ZNF668: variants seen among roughly 807,000 people sequenced by gnomAD.
The protein encoded by ZNF668 is zinc finger protein 668.
A neutral mutation model predicts 40.3 loss-of-function variants in ZNF668; 10 were observed. That is an observed-to-expected ratio of 0.25 (90% CI 0.15 to 0.42). The LOEUF (loss-of-function observed/expected upper bound fraction) is 0.42, where lower values mean the gene tolerates loss of function less well. Ranked by LOEUF, ZNF668 falls within the 10% of genes least tolerant of loss-of-function variation. ZNF668 has a pLI of 1.00. For synonymous variants in ZNF668, 428 were observed against 384.6 expected (o/e 1.11, Z -1.32); for missense variants, 749 against 904.6 (o/e 0.83, Z 2.21).
rs958083711 is a variant in ZNF668 at position 31,062,078 on chromosome 16, G to A, written c.850C>T (p.Arg284Cys). 3 of 1,613,080 alleles carry A rather than the reference G, an allele frequency of 1.9e-6. No homozygotes were observed. Among genetic ancestry groups the A allele is most frequent in the African/African-American group, 1.3e-5 (1 of 74,786 alleles). Residue 284 changes from arginine to cysteine, a missense_variant, in exon 3 of 3, where the codon CGC becomes TGC. Physicochemically the swap from Arg to Cys is radical, Grantham distance 180 (BLOSUM62 -3). Around this residue, in one of 4 missense-constraint regions of ZNF668, gnomAD observed 129 missense variants for 231.2 expected, o/e 0.56. Coordinates refer to ENST00000300849, the MANE Select transcript of ZNF668 (RefSeq NM_024706.5). ...GGGTCGGAGAACATGCGGCCGCAGCGCGGGCACAGGAAGGGCTTCTCCCCC... is the reference window on the plus strand; with the variant it reads ...GGGTCGGAGAACATGCGGCCGCAGCACGGGCACAGGAAGGGCTTCTCCCCC... ...HSGEKPFLCP[R>C]CGRMFSDPSS...
intron 1 of ZNF668, among the ~76,000 whole-genome samples, chr16:31,068,239 A>AAAAAAAAAAAAAAATATAT (rs1473353128): frequency 4.8e-5 from 4 of 82,988 alleles, no homozygotes; most frequent in African/African-American, 2.0e-4. Flanking sequence ...AAAAAAAAAA[A>AAAAAAAAAAAAAAATATAT]ATATATATAT....
rs1472661496 is a variant in ZNF668 at position 31,064,200 on chromosome 16, G to A, written c.260C>T (p.Pro87Leu). The change falls in exon 2 of 3, where the codon CCG (proline) becomes CTG (leucine). Residue 87 changes from proline to leucine, a missense_variant. Pro to Leu is a moderately conservative substitution (Grantham distance 98). Around this residue, in one of 4 missense-constraint regions of ZNF668, gnomAD observed 159 missense variants for 139.8 expected, o/e 1.14. Coordinates refer to ENST00000300849, the MANE Select transcript of ZNF668 (RefSeq NM_024706.5). ...CGTCTTGTAGGCCTTGGGGCATAGC[G>A]GACACGCATAGGGCCTAGGCTTGGC... is the stretch of plus-strand genomic sequence containing the variant. ...SAAKPRPYAC[P>L]LCPKAYKTAP... is the part of the protein sequence containing the mutation. 1.9e-6 allele frequency: 3 copies of A among 1,612,666 alleles called. No homozygotes were observed. The highest frequency in any genetic ancestry group is 2.2e-5 in the East Asian group (1 of 44,884).
rs771758350 is a variant in ZNF668 at position 31,061,052 on chromosome 16, TG to T, written c.*15del. ...GGGCTGGGCTCCCGGAGTGTGGTGC[TG>T]GGGGGTCATGGGCTTCAGGCCGGCC... On this transcript the variant is annotated 3_prime_UTR_variant, in exon 3 of 3. Transcript: ENST00000300849. The surrounding 1 kb of genome is among the most constrained non-coding windows in gnomAD (Gnocchi z 7.7). 2.0e-6 allele frequency: 3 copies of T among 1,482,140 alleles called. No individual in the cohort carries two copies. Among genetic ancestry groups the T allele is most frequent in the Admixed American group, 2.6e-5 (1 of 39,202 alleles). The allele number at this position is 1,482,140 out of a possible 1,614,324, so 91.8% of individuals were successfully genotyped here.
chr16:31,067,962 G>A (rs543954119), intron 1 of ZNF668, among the ~76,000 whole-genome samples: 118 of 151,948 alleles, frequency 7.8e-4, no homozygotes, highest in Non-Finnish European at 1.4e-3. Flanking sequence ...GACCCTGGCC[G>A]GCACCCTTTA....
chr16:31,065,322 G>A (rs1167846636), intron 1 of ZNF668, among the ~76,000 whole-genome samples: 1 of 152,210 alleles, frequency 6.6e-6, no homozygotes, highest in African/African-American at 2.4e-5. Flanking sequence ...TGGTTGGGAG[G>A]AAACAGGATT....
intron 1 of ZNF668, among the ~76,000 whole-genome samples, chr16:31,068,239 A>AAAAAAAAAAAATATAT (rs1473353128): frequency 1.1e-4 from 9 of 82,990 alleles, no homozygotes; most frequent in African/African-American, 4.0e-4. Flanking sequence ...AAAAAAAAAA[A>AAAAAAAAAAAATATAT]ATATATATAT....
chr16:31,067,663 T>C (rs1021420496), intron 1 of ZNF668, among the ~76,000 whole-genome samples: 2 of 152,206 alleles, frequency 1.3e-5, no homozygotes, highest in Non-Finnish European at 2.9e-5. Context: ...TGCTGGTTTA[T>C]TTAATTTAAT....
Position 31,061,724 on chromosome 16 carries a change from C to T in ZNF668, c.1204G>A (p.Val402Met). Residue 402 changes from valine (V) to methionine (M), a missense_variant, in exon 3 of 3, where the codon GTG becomes ATG. By Grantham distance (21) the Val-to-Met change is conservative. Transcript: ENST00000300849. This position sits in a 1 kb window ranked among gnomAD's most constrained non-coding sequence, Gnocchi z 7.7. Reference sequence around the variant, plus strand: ...TGCTTCCTCAGGCTCGACGACACCACAAAGGATTTCCCACATGCGTTACAG... The same window carrying T: ...TGCTTCCTCAGGCTCGACGACACCATAAAGGATTTCCCACATGCGTTACAG... ...FHCNACGKSF[V>M]VSSSLRKHER... is the part of the protein sequence containing the mutation. 1 of 1,613,708 alleles carries T rather than the reference C, an allele frequency of 6.2e-7. No homozygotes were observed. The highest frequency in any genetic ancestry group is 1.3e-5 in the African/African-American group (1 of 75,068).
intron 2 of ZNF668, 48 bp from the exon 3 acceptor site, chr16:31,062,328 T>C: frequency 6.5e-7 from 1 of 1,540,610 alleles, no homozygotes; most frequent in Non-Finnish European, 8.7e-7. Context: ...ACCCATAACG[T>C]GACCCCACTG....
At chr16:31,071,398 C>G (rs1384604452) in intron 1 of ZNF668, among the ~76,000 whole-genome samples, 6 of 151,904 alleles carry the variant, frequency 3.9e-5, no homozygotes, top group African/African-American at 1.5e-4. Flanking sequence ...AACTCCTGAC[C>G]TCAAGTGATC....
At chr16:31,064,702 A>G in intron 1 of ZNF668, 1 of 1,535,298 alleles carries the variant, frequency 6.5e-7, no homozygotes, top group Non-Finnish European at 8.7e-7. Flanking sequence ...AAGGAGGCTG[A>G]GGGTCACAAA....
intron 1 of ZNF668, chr16:31,065,076 C>A: frequency 4.8e-6 from 5 of 1,033,832 alleles, no homozygotes; most frequent in Non-Finnish European, 5.8e-6. Context: ...GCCTCCGCCC[C>A]AGACTGGAAT....
At chr16:31,063,316 G>T (rs1395666038) in intron 2 of ZNF668, among the ~76,000 whole-genome samples, 4 of 151,982 alleles carry the variant, frequency 2.6e-5, no homozygotes, top group Non-Finnish European at 4.4e-5. Context: ...TATTTTTATA[G>T]AGACGAGGCT....
chr16:31,072,272 A>G (rs548193694), intron 1 of ZNF668, among the ~76,000 whole-genome samples: 1 of 152,288 alleles, frequency 6.6e-6, no homozygotes, highest in East Asian at 1.9e-4. Flanking sequence ...GTGACCCAAA[A>G]CAAATGGAAA....
chr16:31,073,269 T>C (rs1415674342), intron 1 of ZNF668: 1 of 152,378 alleles, frequency 6.6e-6, no homozygotes, highest in African/African-American at 2.4e-5. Flanking sequence ...CAAGATGGCG[T>C]TCTCTAGGAC....
Position 31,064,288 on chromosome 16 carries a change from G to T in ZNF668, c.172C>A (p.Pro58Thr), listed in dbSNP as rs754023714. The change falls in exon 2 of 3, where the codon CCA becomes ACA. Residue 58 changes from proline to threonine, a missense_variant. Transcript: ENST00000300849. ...GCCTTAGCTTCTGTCTCTGGCTTTG[G>T]CTTCACCTCGGCCACCTCTTCAGAG... ...DCSEEVAEVK[P>T]KPETEAKAEE... 6.2e-7 allele frequency: 1 copy of T among 1,613,776 alleles called. No homozygotes were observed. Among genetic ancestry groups the T allele is most frequent in the Admixed American group, 1.7e-5 (1 of 60,032 alleles).
chr16:31,061,423 C>G lies in ZNF668; in HGVS notation c.1505G>C (p.Gly502Ala), dbSNP rs202138671. The change falls in exon 3 of 3, where the codon GGC (glycine) becomes GCC (alanine). Residue 502 changes from glycine (G) to alanine (A), a missense_variant. Physicochemically the swap from Gly to Ala is moderately conservative, Grantham distance 60 (BLOSUM62 0). This residue lies in a region of ZNF668 where 310 missense variants were observed against 355.1 expected (regional missense o/e 0.87). Coordinates refer to ENST00000300849, the MANE Select transcript of ZNF668 (RefSeq NM_024706.5). The surrounding 1 kb of genome is among the most constrained non-coding windows in gnomAD (Gnocchi z 7.7). ...REAPGPLEGA[G>A]EAGGEEADEK... ...GTCAGCCTCCTCACCCCCCGCCTCGCCTGCCCCTTCCAAGGGACCAGGAGC... is the reference window on the plus strand; with the variant it reads ...GTCAGCCTCCTCACCCCCCGCCTCGGCTGCCCCTTCCAAGGGACCAGGAGC... 75 of 1,613,960 alleles carry G rather than the reference C, an allele frequency of 4.6e-5. No homozygotes were observed. In the East Asian group the frequency reaches 1.6e-3, roughly 34 times the overall value.
chr16:31,061,959 C>T lies in ZNF668; in HGVS notation c.969G>A (p.Leu323=). ...CTGTGTGCACACGCCGGTGCATGGC[C>T]AGGTCCGCCGGCTGCCGGAAGTCCT... The part of the protein sequence containing the change: ...CGKDFRQPAD[L]AMHRRVHTGD... The change falls in exon 3 of 3, where the codon CTG becomes CTA. Residue 323 remains leucine, a synonymous_variant. Transcript: ENST00000300849. This position sits in a 1 kb window ranked among gnomAD's most constrained non-coding sequence, Gnocchi z 7.7. 1.9e-6 allele frequency: 3 copies of T among 1,613,680 alleles called. No individual in the cohort carries two copies. Among genetic ancestry groups the T allele is most frequent in the South Asian group, 1.1e-5 (1 of 91,074 alleles).
intron 1 of ZNF668, among the ~76,000 whole-genome samples, chr16:31,069,825 A>G (rs1247648839): frequency 1.8e-5 from 2 of 113,050 alleles, no homozygotes; most frequent in African/African-American, 7.2e-5. Flanking sequence ...CCCAGGCTGG[A>G]GTGCAGTGGC....
Sources: allele counts gnomAD v4.1 joint callset (sites outside exome capture counted in the v4.1 genomes callset), GRCh38; gene constraint gnomAD v4.1.1; regional missense constraint gnomAD v4.1.1; non-coding constraint Gnocchi (gnomAD v3.1); transcripts MANE v1.5; gene names NCBI Gene and HGNC (gene_info 2026-07-23, HGNC 2026-07-21).